Variants in KCNQ5 observed in about 807,000 individuals in gnomAD.
KCNQ5 encodes potassium voltage-gated channel subfamily Q member 5.
Under a neutral mutation model 98.2 loss-of-function variants are expected in KCNQ5, and 30 were observed. The observed-to-expected ratio is 0.31, with a 90% CI of 0.23 to 0.41. KCNQ5 has a LOEUF of 0.41. KCNQ5 is among the 10% of genes least tolerant of loss of function. KCNQ5 has a pLI of 1.00. For missense variants in KCNQ5, 835 were observed against 1,182.5 expected (o/e 0.71, Z 4.31); for synonymous variants, 458 against 449.4 (o/e 1.02, Z -0.24).
chr6:72,658,578 A>ATATAT (rs1226386362), intron 1 of KCNQ5, among the ~76,000 whole-genome samples: 2 of 76,380 alleles, frequency 2.6e-5, no homozygotes, highest in Non-Finnish European at 5.7e-5. Flanking sequence ...ATATATATAT[A>ATATAT]TTTTTTTTTT....
chr6:73,112,375 C>A (rs6453637), intron 7 of KCNQ5, among the ~76,000 whole-genome samples: 1 of 149,726 alleles, frequency 6.7e-6, no homozygotes, highest in Non-Finnish European at 1.5e-5. Context: ...AGACAGAGTC[C>A]CGCTTTGTCG....
intron 10 of KCNQ5, among the ~76,000 whole-genome samples, chr6:73,143,079 A>G (rs928610929): frequency 1.3e-5 from 2 of 152,180 alleles, no homozygotes; most frequent in African/African-American, 4.8e-5. Flanking sequence ...TTCAAAGGGC[A>G]GAAGCAGAAC....
intron 1 of KCNQ5, among the ~76,000 whole-genome samples, chr6:72,692,918 C>T (rs188163308): frequency 7.9e-5 from 12 of 152,084 alleles, no homozygotes; most frequent in South Asian, 6.2e-4. Flanking sequence ...ACTTTGTCCT[C>T]CAGGCAAAGG....
intron 1 of KCNQ5, among the ~76,000 whole-genome samples, chr6:72,913,507 T>G (rs1041921838): frequency 1.3e-5 from 2 of 152,200 alleles, no homozygotes; most frequent in African/African-American, 4.8e-5. Context: ...TTATGTATCC[T>G]ACATATGTAT....
At chr6:72,708,314 CAG>C (rs1002561355) in intron 1 of KCNQ5, among the ~76,000 whole-genome samples, 1 of 151,682 alleles carries the variant, frequency 6.6e-6, no homozygotes, top group Non-Finnish European at 1.5e-5. Flanking sequence ...GAAATGAAAA[CAG>C]GGTGGAGAAA....
intron 1 of KCNQ5, among the ~76,000 whole-genome samples, chr6:72,811,006 A>G (rs917347253): frequency 6.6e-6 from 1 of 152,180 alleles, no homozygotes; most frequent in Non-Finnish European, 1.5e-5. Context: ...GTTGATTTCC[A>G]TGTGTTTATA....
chr6:72,884,963 A>AATAATT (rs1353452785), intron 1 of KCNQ5, among the ~76,000 whole-genome samples: 1 of 152,104 alleles, frequency 6.6e-6, no homozygotes, highest in Non-Finnish European at 1.5e-5. Flanking sequence ...AACTAATCAT[A>AATAATT]ATAATTATTA....
At chr6:73,066,959 C>T (rs1364007935) in intron 3 of KCNQ5, among the ~76,000 whole-genome samples, 1 of 152,182 alleles carries the variant, frequency 6.6e-6, no homozygotes, top group Non-Finnish European at 1.5e-5. Context: ...CAGAAAAGGG[C>T]TCACATTGAT....
intron 2 of KCNQ5, among the ~76,000 whole-genome samples, chr6:73,015,477 G>A (rs1770288829): frequency 6.6e-6 from 1 of 152,204 alleles, no homozygotes; most frequent in East Asian, 1.9e-4. Context: ...GATTGTGCCT[G>A]AAAAAGACCA....
At chr6:73,055,131 G>A (rs1242354824) in intron 3 of KCNQ5, 17 of 762,796 alleles carry the variant, frequency 2.2e-5, no homozygotes, top group Non-Finnish European at 3.6e-5. Flanking sequence ...ATCCAGCACA[G>A]CGAGAGTGAG....
intron 3 of KCNQ5, among the ~76,000 whole-genome samples, chr6:73,064,743 A>G (rs1772972606): frequency 6.6e-6 from 1 of 152,146 alleles, no homozygotes; most frequent in Admixed American, 6.5e-5. Context: ...GCCCTAAACC[A>G]TGTTCTAAAG....
At chr6:73,014,343 G>C (rs1231086468) in intron 2 of KCNQ5, among the ~76,000 whole-genome samples, 4 of 152,006 alleles carry the variant, frequency 2.6e-5, no homozygotes, top group Admixed American at 2.6e-4. Context: ...AATTCTTATT[G>C]CAGGTTATCA....
intron 1 of KCNQ5, among the ~76,000 whole-genome samples, chr6:72,959,364 G>C (rs147854164): frequency 6.6e-6 from 1 of 152,326 alleles, no homozygotes; most frequent in African/African-American, 2.4e-5. Flanking sequence ...AAGGAAGAGA[G>C]AATGGTTGCT....
At chr6:73,161,671 C>G (rs1376930840) in intron 10 of KCNQ5, among the ~76,000 whole-genome samples, 1 of 152,018 alleles carries the variant, frequency 6.6e-6, no homozygotes, top group Non-Finnish European at 1.5e-5. Context: ...AAGAAGGTGA[C>G]TAAGAAAAAG....
chr6:72,854,751 C>A (rs1256678892), intron 1 of KCNQ5, among the ~76,000 whole-genome samples: 1 of 86,006 alleles, frequency 1.2e-5, no homozygotes, highest in Non-Finnish European at 2.5e-5. Flanking sequence ...CACACACACA[C>A]CATGGTTTGT....
At chr6:72,764,998 G>A (rs112952463) in intron 1 of KCNQ5, among the ~76,000 whole-genome samples, 3,585 of 151,874 alleles carry the variant, frequency 0.024, 69 homozygotes, top group Admixed American at 0.043. Flanking sequence ...TATATGTACC[G>A]CATTTTCTTT....
intron 1 of KCNQ5, among the ~76,000 whole-genome samples, chr6:72,749,335 C>G (rs192593328): frequency 6.6e-6 from 1 of 152,158 alleles, no homozygotes; most frequent in Non-Finnish European, 1.5e-5. Context: ...TATGAGGTAT[C>G]TTTACTTACT....
intron 1 of KCNQ5, among the ~76,000 whole-genome samples, chr6:72,646,533 T>C (rs1406494672): frequency 6.6e-6 from 1 of 152,156 alleles, no homozygotes; most frequent in Non-Finnish European, 1.5e-5. Flanking sequence ...AAGCATATGG[T>C]TATCTATTGG....
At chr6:72,764,667 C>T (rs1772472289) in intron 1 of KCNQ5, among the ~76,000 whole-genome samples, 2 of 151,926 alleles carry the variant, frequency 1.3e-5, no homozygotes, top group African/African-American at 4.8e-5. Flanking sequence ...TTATTATTTA[C>T]TATAGTCATC....
Sources: allele counts gnomAD v4.1 joint callset (sites outside exome capture counted in the v4.1 genomes callset), GRCh38; gene constraint gnomAD v4.1.1; transcripts MANE v1.5; gene names NCBI Gene and HGNC (gene_info 2026-07-23, HGNC 2026-07-21).